The following SYT1 variants were observed in gnomAD, a reference collection of about 807,000 sequenced individuals.
The protein encoded by SYT1 is synaptotagmin-1.
A neutral mutation model predicts 44.8 loss-of-function variants in SYT1; 8 were observed. The observed-to-expected ratio is 0.18, with a 90% CI of 0.10 to 0.32. The LOEUF is 0.32. Ranked by LOEUF, SYT1 falls within the 10% of genes least tolerant of loss-of-function variation. The pLI is 1.00. For missense variants in SYT1, 286 were observed against 509.3 expected, an observed-to-expected ratio of 0.56 and a Z score of 4.22; for synonymous variants, 154 against 188.8, an observed-to-expected ratio of 0.82 and a Z score of 1.51.
At chr12:79,047,886 G>T (rs1256049478) in intron 3 of SYT1, among the ~76,000 whole-genome samples, 1 of 151,710 alleles carries the variant, frequency 6.6e-6, no homozygotes, top group Non-Finnish European at 1.5e-5. Context: ...GTATTTCCTA[G>T]AAATGTATTT....
intron 1 of SYT1, among the ~76,000 whole-genome samples, chr12:78,885,637 C>T (rs1276587951): frequency 5.3e-5 from 8 of 151,946 alleles, no homozygotes; most frequent in Non-Finnish European, 1.2e-4. Flanking sequence ...GAAAGCAAGG[C>T]GTCCACGTGG....
intron 3 of SYT1, among the ~76,000 whole-genome samples, chr12:79,160,958 C>T (rs1381259999): frequency 1.3e-5 from 2 of 152,200 alleles, no homozygotes; most frequent in African/African-American, 2.4e-5. Context: ...CTGGGCCAGG[C>T]GCAGTGGCTC....
intron 3 of SYT1, among the ~76,000 whole-genome samples, chr12:79,092,063 C>A (rs942917410): frequency 8.6e-5 from 13 of 151,888 alleles, no homozygotes; most frequent in Non-Finnish European, 1.8e-4. Context: ...GCCTGTAATA[C>A]CTTTAAACTT....
intron 3 of SYT1, among the ~76,000 whole-genome samples, chr12:79,053,587 A>G (rs1874699603): frequency 6.7e-6 from 1 of 148,852 alleles, no homozygotes; most frequent in Non-Finnish European, 1.5e-5. Flanking sequence ...CTTTAATTAA[A>G]ATTATTTTAT....
intron 4 of SYT1, among the ~76,000 whole-genome samples, chr12:79,270,681 C>G (rs1187894579): frequency 1.3e-5 from 2 of 152,096 alleles, no homozygotes; most frequent in African/African-American, 2.4e-5. Flanking sequence ...AACCAAGATC[C>G]CAGTGAGTAA....
intron 9 of SYT1, among the ~76,000 whole-genome samples, chr12:79,374,159 T>C (rs958936252): frequency 6.6e-6 from 1 of 152,192 alleles, no homozygotes; most frequent in Non-Finnish European, 1.5e-5. Context: ...TCTGTGATAC[T>C]GTACATCAGA....
intron 1 of SYT1, among the ~76,000 whole-genome samples, chr12:78,914,579 C>A (rs1287539977): frequency 6.6e-6 from 1 of 151,760 alleles, no homozygotes; most frequent in Non-Finnish European, 1.5e-5. Context: ...ATAGGTAGAT[C>A]GATAGAGAGA....
chr12:79,160,323 C>T (rs1870870737), intron 3 of SYT1, among the ~76,000 whole-genome samples: 1 of 151,996 alleles, frequency 6.6e-6, no homozygotes, highest in Non-Finnish European at 1.5e-5. Flanking sequence ...GAATATTGGC[C>T]CTAGCTCAGA....
intron 2 of SYT1, among the ~76,000 whole-genome samples, chr12:79,039,472 G>T (rs1873368332): frequency 6.6e-6 from 1 of 151,846 alleles, no homozygotes. Context: ...CTAAAATAAA[G>T]ACAAGGCATT....
At position 79,117,712 on chromosome 12, in the gene SYT1, T is replaced by TAA. The variant is rs1447480371; in HGVS notation, c.-18+70351_-18+70352insAA. Among the ~76,000 whole-genome samples the TAA allele has an allele frequency of 2.4e-3, 201 of 85,294 alleles. 5 individuals carry two copies. Among genetic ancestry groups the TAA allele is most frequent in the Non-Finnish European group, 3.8e-3 (165 of 43,274 alleles). 56.0% of individuals were successfully genotyped at this position (85,294 alleles called of 152,430 possible). ...ATATATATATATATATATATATATA[T>TAA]ATAAAATAAATAGGTTGCATACAGA... On this transcript the variant is annotated intron_variant, in intron 3 of 10. Coordinates refer to ENST00000261205, the MANE Select transcript of SYT1 (RefSeq NM_005639.3).
intron 3 of SYT1, among the ~76,000 whole-genome samples, chr12:79,116,425 A>G (rs967832592): frequency 3.3e-5 from 5 of 152,184 alleles, no homozygotes; most frequent in Non-Finnish European, 7.3e-5. Context: ...AAGGCAAAGT[A>G]TTTCCTGCAC....
chr12:78,875,955 T>C (rs1021241161), intron 1 of SYT1, among the ~76,000 whole-genome samples: 1 of 151,688 alleles, frequency 6.6e-6, no homozygotes, highest in Non-Finnish European at 1.5e-5. Context: ...CCCTCATTTC[T>C]AAAGAAATTA....
intron 3 of SYT1, among the ~76,000 whole-genome samples, chr12:79,186,875 C>T (rs551475433): frequency 1.3e-5 from 2 of 152,110 alleles, no homozygotes; most frequent in Admixed American, 6.6e-5. Context: ...TTATACTTAG[C>T]AGGCACTTTT....
intron 8 of SYT1, among the ~76,000 whole-genome samples, chr12:79,346,317 A>AT (rs1396210614): frequency 6.4e-4 from 97 of 152,238 alleles, no homozygotes; most frequent in Non-Finnish European, 4.6e-4. Flanking sequence ...CAATGGCTGC[A>AT]TTTTTTTAAA....
intron 3 of SYT1, among the ~76,000 whole-genome samples, chr12:79,171,137 C>G (rs1871497948): frequency 6.6e-6 from 1 of 151,996 alleles, no homozygotes; most frequent in Admixed American, 6.6e-5. Context: ...ACGCCTCCAG[C>G]TTTGTTCTTT....
intron 1 of SYT1, among the ~76,000 whole-genome samples, chr12:78,888,675 C>T (rs1480488779): frequency 3.3e-5 from 5 of 151,850 alleles, no homozygotes; most frequent in Non-Finnish European, 7.4e-5. Context: ...CTTCTGAACT[C>T]CTCTTTACTT....
intron 1 of SYT1, among the ~76,000 whole-genome samples, chr12:78,962,906 C>G (rs1879586469): frequency 6.6e-6 from 1 of 152,134 alleles, no homozygotes; most frequent in Non-Finnish European, 1.5e-5. Flanking sequence ...CACAATATCT[C>G]TAGAATTAAT....
intron 3 of SYT1, among the ~76,000 whole-genome samples, chr12:79,053,785 T>C (rs913989410): frequency 2.0e-5 from 3 of 151,860 alleles, no homozygotes; most frequent in African/African-American, 7.2e-5. Flanking sequence ...TTAATTGTTT[T>C]TGGAGTACCA....
chr12:79,074,391 G>C (rs1876494980), intron 3 of SYT1, among the ~76,000 whole-genome samples: 1 of 152,124 alleles, frequency 6.6e-6, no homozygotes, highest in Non-Finnish European at 1.5e-5. Context: ...GACACATGCA[G>C]CATTTGTGTT....
Sources: gnomAD v4.1 joint callset for allele counts (sites outside exome capture counted in the v4.1 genomes callset) on GRCh38, gnomAD v4.1.1 for gene constraint, MANE v1.5 for transcripts, NCBI Gene and HGNC (gene_info 2026-07-23, HGNC 2026-07-21) for gene names.